CNTROB: variants seen among roughly 807,000 people sequenced by gnomAD.
The protein encoded by CNTROB is centrobin, centriole duplication and spindle assembly protein, also known as centrobin.
In CNTROB, 82 loss-of-function variants were observed where a neutral mutation model predicts 115.7. The observed-to-expected ratio is 0.71, with a 90% CI of 0.59 to 0.85. CNTROB has a LOEUF of 0.85. Among genes scored for constraint, CNTROB ranks in the 40% least tolerant of loss-of-function variants. The probability of loss-of-function intolerance (pLI) is 0.00; values close to 1 mark genes in which losing one functional copy is unlikely to be tolerated. For missense variants in CNTROB, 1,014 were observed against 1,144.4 expected (o/e 0.89, Z 1.64); for synonymous variants, 439 against 456.4 (o/e 0.96, Z 0.49).
chr17:7,932,736 G>A lies in CNTROB; in HGVS notation c.-344G>A, dbSNP rs1972655967. 1.2e-5 allele frequency: 3 copies of A among 259,636 alleles called. No individual in the cohort carries two copies. Among genetic ancestry groups the A allele is most frequent in the African/African-American group, 6.7e-5 (3 of 44,660 alleles). The allele number at this position is 259,636 out of a possible 1,614,324, so 16.1% of individuals were successfully genotyped here. A position where few individuals can be genotyped will look rare whatever the true frequency, so the allele number is the denominator to read the frequency against. On this transcript the variant is annotated 5_prime_UTR_variant, in exon 1 of 19. Coordinates refer to ENST00000563694, the MANE Select transcript of CNTROB (RefSeq NM_053051.5). ...TTGACCGGGGATAGCCTGTGCCGGA[G>A]TTGATCTGCAGCTTCCAGCACTCGT...
At chr17:7,946,625 T>C (rs1974563736) in intron 13 of CNTROB, among the ~76,000 whole-genome samples, 1 of 152,150 alleles carries the variant, frequency 6.6e-6, no homozygotes. Flanking sequence ...GCTAGCGCGT[T>C]GGGAGGCTGA....
In CNTROB at chr17:7,940,273, T is replaced by A. The variant is rs182360772; in HGVS notation, c.1311+31T>A. Reference sequence around the variant, plus strand: ...AAGGCAGAGGTTTCTTGAGGTTTTGTTCTGACAGAAGTAGATCTGAGGCAG... The same window carrying A: ...AAGGCAGAGGTTTCTTGAGGTTTTGATCTGACAGAAGTAGATCTGAGGCAG... On this transcript the variant is annotated intron_variant, in intron 9 of 18. Transcript: ENST00000563694. 3,380 of 1,571,576 alleles carry A rather than the reference T, an allele frequency of 2.2e-3. 6 individuals carry two copies. Among genetic ancestry groups the A allele is most frequent in the Non-Finnish European group, 2.7e-3 (3,088 of 1,161,190 alleles).
Position 7,943,550 on chromosome 17 carries a change from T to A in CNTROB, c.1445+26T>A, listed in dbSNP as rs184795532. The A allele has an allele frequency of 1.2e-5, 19 of 1,601,232 alleles. No homozygotes were observed. In the East Asian group the frequency reaches 3.8e-4, roughly 32 times the overall value. The stretch of plus-strand genomic sequence containing the variant: ...GTACGTGGGACTCACTGGGTGTCAC[T>A]TCTCTCAGCCACAGCACGTATCGTT... On this transcript the variant is annotated intron_variant, in intron 10 of 18. Transcript: ENST00000563694. This position sits in a 1 kb window ranked among gnomAD's most constrained non-coding sequence, Gnocchi z 4.7.
In CNTROB at chr17:7,948,281, C is replaced by T. The variant is rs771050360; in HGVS notation, c.2334C>T (p.Ser778=). Residue 778 remains serine, a synonymous_variant, in exon 16 of 19, where the codon TCC becomes TCT. Transcript: ENST00000563694. The surrounding 1 kb of genome is among the most constrained non-coding windows in gnomAD (Gnocchi z 4.4). ...TTTTCCGGGTCCCTGAGCCTCCCTC[C>T]TCCCATTCACAAGGCAGTGGTCCCA... ...SSLFRVPEPP[S]SHSQGSGPSS... 1.7e-5 allele frequency: 27 copies of T among 1,614,008 alleles called. No homozygotes were observed. The South Asian group carries it at 2.3e-4, about 14-fold the overall frequency.
In CNTROB at chr17:7,945,146, C is replaced by T. The variant is rs368267149; in HGVS notation, c.1734+508C>T. On this transcript the variant is annotated intron_variant, in intron 12 of 18. Transcript: ENST00000563694. ...CAAAAATTGTTGCCAAGTCCTGCCCCAGAGTAGAGTAGGGAGTCTCACTTC... is the reference window on the plus strand; with the variant it reads ...CAAAAATTGTTGCCAAGTCCTGCCCTAGAGTAGAGTAGGGAGTCTCACTTC... Among the ~76,000 whole-genome samples the T allele has an allele frequency of 5.2e-4, 79 of 152,144 alleles. 3 individuals carry two copies. The South Asian group carries it at 0.016, about 30-fold the overall frequency.
At position 7,945,738 on chromosome 17, in the gene CNTROB, C is replaced by T. The variant is rs2151773145; in HGVS notation, c.1745C>T (p.Ala582Val). The change falls in exon 13 of 19, where the codon GCT (alanine) becomes GTT (valine). Residue 582 changes from alanine to valine, a missense_variant. By Grantham distance (64) the Ala-to-Val change is moderately conservative. Transcript: ENST00000563694. Reference protein sequence around the residue: ...LPPPNPPAPPAGPSSPGPQEP... With the variant: ...LPPPNPPAPPVGPSSPGPQEP... ...CTCTCTCCTGGTCAGGCTCCTCCTG[C>T]TGGACCCTCCAGCCCCGGGCCTCAG... 6.2e-7 allele frequency: 1 copy of T among 1,614,134 alleles called. No homozygotes were observed. The highest frequency in any genetic ancestry group is 2.2e-5 in the East Asian group (1 of 44,880).
chr17:7,932,211 G>A lies in CNTROB; in HGVS notation c.-869G>A, dbSNP rs940999153. ...CGAGAGAGGCGGAGCCGTGGACAGT[G>A]GGCGGGAGGCTGCCAACGGTTTTGA... is the stretch of plus-strand genomic sequence containing the variant. On this transcript the variant is annotated 5_prime_UTR_variant, in exon 1 of 19. Transcript: ENST00000563694. The A allele has an allele frequency of 3.9e-6, 1 of 256,046 alleles. No individual in the cohort carries two copies. The highest frequency in any genetic ancestry group is 2.2e-5 in the African/African-American group (1 of 44,586). 15.9% of individuals were successfully genotyped at this position (256,046 alleles called of 1,614,324 possible).
chr17:7,944,265 T>G lies in CNTROB; in HGVS notation c.1571+17T>G. The G allele has an allele frequency of 6.2e-7, 1 of 1,613,106 alleles. No individual in the cohort carries two copies. The highest frequency in any genetic ancestry group is 1.1e-5 in the South Asian group (1 of 91,064). On this transcript the variant is annotated intron_variant, in intron 11 of 18. Coordinates refer to ENST00000563694, the MANE Select transcript of CNTROB (RefSeq NM_053051.5). This position sits in a 1 kb window ranked among gnomAD's most constrained non-coding sequence, Gnocchi z 4.0. ...CGAGCTCAGGTCCTGGTCCCCAGAG[T>G]GCCCCTTTCAGGCCCCAGCCCCTTT... is the stretch of plus-strand genomic sequence containing the variant.
Position 7,940,194 on chromosome 17 carries a change from A to G in CNTROB, c.1263A>G (p.Thr421=). The G allele has an allele frequency of 6.2e-7, 1 of 1,612,516 alleles. No homozygotes were observed. Among genetic ancestry groups the G allele is most frequent in the Non-Finnish European group, 8.5e-7 (1 of 1,179,752 alleles). Residue 421 remains threonine (T), a synonymous_variant, in exon 9 of 19, where the codon ACA becomes ACG. Transcript: ENST00000563694. ...GGCGGCTGGAAGGAGAGCTGGATAC[A>G]GCTCGGAGAGAGAGAGATGCCCTGC... is the stretch of plus-strand genomic sequence containing the variant. The part of the protein sequence containing the change: ...EVRRLEGELD[T]ARRERDALQL...
At chr17:7,941,827 G>C (rs1217429838) in intron 9 of CNTROB, among the ~76,000 whole-genome samples, 1 of 151,982 alleles carries the variant, frequency 6.6e-6, no homozygotes, top group Non-Finnish European at 1.5e-5. Flanking sequence ...GCCGGGTATA[G>C]TGGCATGCAC....
intron 9 of CNTROB, among the ~76,000 whole-genome samples, chr17:7,942,126 G>A (rs1428120455): frequency 6.6e-6 from 1 of 151,902 alleles, no homozygotes; most frequent in African/African-American, 2.4e-5. Flanking sequence ...TATTAGCTGG[G>A]TGTTGTGGCA....
Position 7,947,620 on chromosome 17 carries a change from A to G in CNTROB, c.2043A>G (p.Glu681=), listed in dbSNP as rs544348950. Residue 681 remains glutamate, a synonymous_variant, in exon 14 of 19, where the codon GAA becomes GAG. Transcript: ENST00000563694. ...LGAFHPDHRA[E]RPFPEEDPGP... ...CCTTCCATCCCGATCATAGGGCAGA[A>G]AGGCCATTCCCTGAGGAAGATCCTG... 1.5e-5 allele frequency: 24 copies of G among 1,613,602 alleles called. No individual in the cohort carries two copies. In the East Asian group the frequency reaches 5.1e-4, roughly 34 times the overall value.
At chr17:7,937,711 G>A (rs571124990) in intron 7 of CNTROB, among the ~76,000 whole-genome samples, 8 of 152,242 alleles carry the variant, frequency 5.3e-5, no homozygotes, top group South Asian at 4.1e-4. Context: ...GCTGAGGCAG[G>A]AGAATTGCTT....
In CNTROB at chr17:7,947,021, C is replaced by T. The variant is rs1005613087; in HGVS notation, c.1994-550C>T. ...TAAAAATACAAAAAAGTTAGCCGGG[C>T]GTGGTGGCAGGCATCTGTAGTCCCA... On this transcript the variant is annotated intron_variant, in intron 13 of 18. Coordinates refer to ENST00000563694, the MANE Select transcript of CNTROB (RefSeq NM_053051.5). 5.3e-5 allele frequency among the ~76,000 whole-genome samples: 8 copies of T among 151,858 alleles called. No homozygotes were observed. In the South Asian group the frequency reaches 8.3e-4, roughly 16 times the overall value.
chr17:7,933,491 C>T, intron 1 of CNTROB, 142 bp downstream of exon 1: 1 of 909,470 alleles, frequency 1.1e-6, no homozygotes, highest in South Asian at 1.8e-5. Context: ...CATAGGCAGC[C>T]ATGCTTATAA....
In CNTROB at chr17:7,932,341, GGA is replaced by G; in HGVS notation, c.-738_-737del. The G allele has an allele frequency of 6.1e-6, 1 of 164,548 alleles. No homozygotes were observed. The highest frequency in any genetic ancestry group is 1.8e-4 in the East Asian group (1 of 5,414). 10.2% of individuals were successfully genotyped at this position (164,548 alleles called of 1,614,324 possible). ...AGGACTGGAAGGGTGGAGAGTAGGC[GGA>G]ACCAGGTGGTCGTCGGGGCAGAGGA... is the stretch of plus-strand genomic sequence containing the variant. On this transcript the variant is annotated 5_prime_UTR_variant, in exon 1 of 19. Coordinates refer to ENST00000563694, the MANE Select transcript of CNTROB (RefSeq NM_053051.5).
chr17:7,947,644 T>C lies in CNTROB; in HGVS notation c.2067T>C (p.Pro689=), dbSNP rs775896166. The C allele has an allele frequency of 6.2e-7, 1 of 1,614,040 alleles. No homozygotes were observed. Among genetic ancestry groups the C allele is most frequent in the South Asian group, 1.1e-5 (1 of 91,078 alleles). Residue 689 remains proline, a synonymous_variant, in exon 14 of 19, where the codon CCT becomes CCC. Coordinates refer to ENST00000563694, the MANE Select transcript of CNTROB (RefSeq NM_053051.5). ...RAERPFPEED[P]GPDGEGLLKQ... ...AAAGGCCATTCCCTGAGGAAGATCC[T>C]GGACCTGACGGGGAGGGCCTCCTAA...
chr17:7,946,112 G>A (rs1281924221), intron 13 of CNTROB, 126 bp downstream of exon 13: 3 of 817,446 alleles, frequency 3.7e-6, no homozygotes, highest in African/African-American at 3.4e-5. Flanking sequence ...ATCGCAAGTT[G>A]CAAGGAGCAG....
chr17:7,940,305 C>A, intron 9 of CNTROB, 63 bp downstream of exon 9: 1 of 1,462,500 alleles, frequency 6.8e-7, no homozygotes, highest in South Asian at 1.3e-5. Flanking sequence ...GCAGAGGGAC[C>A]TCTCAGGAGT....
Sources: allele counts gnomAD v4.1 joint callset (sites outside exome capture counted in the v4.1 genomes callset), GRCh38; gene constraint gnomAD v4.1.1; non-coding constraint Gnocchi (gnomAD v3.1); transcripts MANE v1.5; gene names NCBI Gene and HGNC (gene_info 2026-07-23, HGNC 2026-07-21).